The following TCF12 variants were observed in gnomAD, a reference collection of about 807,000 sequenced individuals.
TCF12 encodes transcription factor 12, also known as DNA-binding protein HTF4.
TCF12 carries 45 observed loss-of-function variants against 86.0 expected under a neutral mutation model. That is an observed-to-expected ratio of 0.52 (90% confidence interval 0.41 to 0.67). The LOEUF is 0.67. TCF12 is among the 30% of genes least tolerant of loss of function. The pLI is 0.00. For missense variants in TCF12, 881 were observed against 859.9 expected (o/e 1.02, Z -0.31); for synonymous variants, 330 against 299.6 (o/e 1.10, Z -1.05).
At chr15:56,981,077 C>T (rs1267182282) in intron 3 of TCF12, among the ~76,000 whole-genome samples, 3 of 152,186 alleles carry the variant, frequency 2.0e-5, no homozygotes. Context: ...TATCTAACAA[C>T]ATGAACTTGT....
chr15:57,010,233 C>A (rs1418967039), intron 3 of TCF12, among the ~76,000 whole-genome samples: 4 of 151,736 alleles, frequency 2.6e-5, no homozygotes, highest in Admixed American at 2.6e-4. Flanking sequence ...GGACTCAAGT[C>A]AAGAACATTG....
chr15:57,270,721 T>G (rs2061097137), intron 18 of TCF12, among the ~76,000 whole-genome samples: 1 of 152,216 alleles, frequency 6.6e-6, no homozygotes. Flanking sequence ...TGGTCTTTGA[T>G]GTTGGTGACC....
intron 3 of TCF12, among the ~76,000 whole-genome samples, chr15:56,929,944 G>A (rs1001721092): frequency 6.6e-6 from 1 of 152,104 alleles, no homozygotes; most frequent in Non-Finnish European, 1.5e-5. Flanking sequence ...AGTCTCTCTG[G>A]AGGCGGCCTC....
At chr15:57,162,657 G>A (rs2054582515) in intron 5 of TCF12, among the ~76,000 whole-genome samples, 1 of 152,056 alleles carries the variant, frequency 6.6e-6, no homozygotes, top group South Asian at 2.1e-4. Context: ...TTTATGAAAG[G>A]ATAAGGAATT....
chr15:57,109,821 A>G (rs1199313795), intron 5 of TCF12, among the ~76,000 whole-genome samples: 1 of 152,228 alleles, frequency 6.6e-6, no homozygotes, highest in Non-Finnish European at 1.5e-5. Flanking sequence ...CATAAATCAC[A>G]GTTGTATTAA....
chr15:56,959,798 G>A (rs148416240), intron 3 of TCF12, among the ~76,000 whole-genome samples: 1 of 152,090 alleles, frequency 6.6e-6, no homozygotes, highest in African/African-American at 2.4e-5. Flanking sequence ...TAATAAAATT[G>A]TTTAGAAATT....
At chr15:57,202,954 T>C (rs761660368) in intron 8 of TCF12, among the ~76,000 whole-genome samples, 2 of 152,230 alleles carry the variant, frequency 1.3e-5, no homozygotes, top group Admixed American at 1.3e-4. Context: ...TAAAGAAGTT[T>C]AGCATTTCAT....
At chr15:57,000,037 A>T (rs756092679) in intron 3 of TCF12, among the ~76,000 whole-genome samples, 1 of 151,782 alleles carries the variant, frequency 6.6e-6, no homozygotes, top group African/African-American at 2.4e-5. Flanking sequence ...AAACTTTCTC[A>T]TTTTTCTCTT....
intron 3 of TCF12, among the ~76,000 whole-genome samples, chr15:57,040,811 T>C (rs1006755340): frequency 1.3e-4 from 20 of 152,224 alleles, no homozygotes; most frequent in African/African-American, 4.8e-4. Context: ...ATTAACTTAC[T>C]CATAATATGG....
rs559730718 is a variant in TCF12, at chr15:57,165,121, A to AAGG, written c.326-1279_326-1277dup. ...GTTTCCCTTCTTTGTGTCTATCCTGAAGGAATGTATGTCTGTGTGTGTGTG... is the reference window on the plus strand; with the variant it reads ...GTTTCCCTTCTTTGTGTCTATCCTGAAGGAGGAATGTATGTCTGTGTGTGTGTG... On this transcript the variant is annotated intron_variant, in intron 5 of 20. Transcript: ENST00000333725. Among the ~76,000 whole-genome samples, 251 of 132,714 alleles carry AAGG rather than the reference A, an allele frequency of 1.9e-3. 1 individual carries two copies. Among genetic ancestry groups the AAGG allele is most frequent in the South Asian group, 6.3e-3 (23 of 3,646 alleles). 87.1% of individuals were successfully genotyped at this position (132,714 alleles called of 152,430 possible).
intron 3 of TCF12, among the ~76,000 whole-genome samples, chr15:57,055,400 C>G (rs2067940805): frequency 6.6e-6 from 1 of 152,018 alleles, no homozygotes; most frequent in Non-Finnish European, 1.5e-5. Context: ...AACTCTGTCT[C>G]AAAAAATAAT....
At chr15:56,977,545 C>CG (rs1567194860) in intron 3 of TCF12, among the ~76,000 whole-genome samples, 6 of 148,154 alleles carry the variant, frequency 4.0e-5, no homozygotes, top group African/African-American at 1.3e-4. Context: ...ATTCGATATT[C>CG]TGTGTGTGTG....
intron 3 of TCF12, among the ~76,000 whole-genome samples, chr15:56,982,492 T>G (rs1405139268): frequency 6.6e-6 from 1 of 152,206 alleles, no homozygotes; most frequent in Non-Finnish European, 1.5e-5. Context: ...AGTGACCTGA[T>G]AACTGTCTGC....
At chr15:57,216,642 T>C (rs2058343855) in intron 8 of TCF12, among the ~76,000 whole-genome samples, 1 of 152,030 alleles carries the variant, frequency 6.6e-6, no homozygotes, top group African/African-American at 2.4e-5. Context: ...ATGCATTTTT[T>C]TCCTGTAATA....
At chr15:56,975,586 A>G (rs2062555479) in intron 3 of TCF12, among the ~76,000 whole-genome samples, 1 of 152,168 alleles carries the variant, frequency 6.6e-6, no homozygotes, top group Admixed American at 6.5e-5. Context: ...TGAATATGTT[A>G]AAAAATAAAA....
intron 8 of TCF12, 58 bp from the exon 9 acceptor site, chr15:57,231,094 T>G: frequency 7.3e-7 from 1 of 1,365,760 alleles, no homozygotes; most frequent in Non-Finnish European, 1.0e-6. Flanking sequence ...GAACTCATTT[T>G]ACATAAGTAA....
intron 5 of TCF12, among the ~76,000 whole-genome samples, chr15:57,156,189 C>A (rs1416302337): frequency 6.6e-6 from 1 of 152,198 alleles, no homozygotes; most frequent in Non-Finnish European, 1.5e-5. Context: ...TTTTTAGCAG[C>A]TTATCCTTTT....
intron 19 of TCF12, chr15:57,281,749 T>C (rs2061701796): frequency 6.5e-6 from 1 of 152,812 alleles, no homozygotes; most frequent in Admixed American, 6.5e-5. Context: ...GATGGGACCA[T>C]CTAGTTTCAT....
At chr15:57,066,982 A>G (rs978283898) in intron 4 of TCF12, among the ~76,000 whole-genome samples, 3 of 152,202 alleles carry the variant, frequency 2.0e-5, no homozygotes, top group Non-Finnish European at 2.9e-5. Context: ...GCCTTGATGC[A>G]TAAATGAGCT....
Sources: gnomAD v4.1 joint callset for allele counts (sites outside exome capture counted in the v4.1 genomes callset) on GRCh38, gnomAD v4.1.1 for gene constraint, MANE v1.5 for transcripts, NCBI Gene and HGNC (gene_info 2026-07-23, HGNC 2026-07-21) for gene names.